The following NAA11 variants were observed in gnomAD, a reference collection of about 807,000 sequenced individuals.
NAA11 encodes N-alpha-acetyltransferase 11, NatA catalytic subunit, also known as N-alpha-acetyltransferase 11.
Under a neutral mutation model 16.1 loss-of-function variants are expected in NAA11, and 15 were observed. The observed-to-expected ratio is 0.93, with a 90% CI of 0.62 to 1.44. The LOEUF (loss-of-function observed/expected upper bound fraction) is 1.44, where lower values mean the gene tolerates loss of function less well. NAA11 is among the 40% of genes most tolerant of loss of function. NAA11 has a pLI of 0.00. For synonymous variants in NAA11, 122 were observed against 112.4 expected (o/e 1.09, Z -0.54); for missense variants, 298 against 291.3 (o/e 1.02, Z -0.17).
At chr4:79,226,012 A>G (rs1412671048) in exon 3 of NAA11, 1 of 152,110 alleles carries the variant, frequency 6.6e-6, no homozygotes, top group African/African-American at 2.4e-5. Flanking sequence ...AGCTCATGTC[A>G]GTTTTATGGA....
chr4:79,281,068 T>C (rs1205464518), intron 2 of NAA11, among the ~76,000 whole-genome samples: 1 of 152,004 alleles, frequency 6.6e-6, no homozygotes, highest in East Asian at 1.9e-4. Context: ...AAATGTTTCC[T>C]AGCAATTAAC....
chr4:79,166,851 G>C, the NAA11 span, among the ~76,000 whole-genome samples: 1 of 148,272 alleles, frequency 6.7e-6, no homozygotes, highest in Non-Finnish European at 1.5e-5. Context: ...CTGGGCAACA[G>C]AGCAAGACTG....
chr4:79,193,551 T>C, the NAA11 span, among the ~76,000 whole-genome samples: 3 of 152,184 alleles, frequency 2.0e-5, no homozygotes, highest in African/African-American at 7.2e-5. Flanking sequence ...TGCAGCATTA[T>C]TTCTGAGGGC....
the NAA11 span, among the ~76,000 whole-genome samples, chr4:79,161,866 A>T: frequency 6.6e-6 from 1 of 152,050 alleles, no homozygotes; most frequent in Non-Finnish European, 1.5e-5. Context: ...TATTTTTAGT[A>T]CAGACAGGGT....
At chr4:79,223,728 T>C (rs1017173564), downstream of NAA11, among the ~76,000 whole-genome samples, 10 of 152,070 alleles carry the variant, frequency 6.6e-5, no homozygotes, top group African/African-American at 2.4e-4. Context: ...AGCCAGAGTA[T>C]TGTGCTCAAA....
At chr4:79,210,061 G>C in the NAA11 span, among the ~76,000 whole-genome samples, 1 of 152,102 alleles carries the variant, frequency 6.6e-6, no homozygotes, top group South Asian at 2.1e-4. Context: ...AAATACACTG[G>C]TTAAATTTGT....
intron 2 of NAA11, among the ~76,000 whole-genome samples, chr4:79,252,485 CAAT>C (rs1722017989): frequency 6.6e-6 from 1 of 150,856 alleles, no homozygotes. Context: ...AGATAATAAA[CAAT>C]AAAATAAATA....
intron 2 of NAA11, among the ~76,000 whole-genome samples, chr4:79,293,443 C>T (rs1201205822): frequency 6.6e-6 from 1 of 152,170 alleles, no homozygotes; most frequent in Non-Finnish European, 1.5e-5. Flanking sequence ...TGGACAGACA[C>T]TGCTCTAAAA....
intron 2 of NAA11, among the ~76,000 whole-genome samples, chr4:79,291,013 C>T (rs1007067119): frequency 6.6e-6 from 1 of 152,038 alleles, no homozygotes; most frequent in Non-Finnish European, 1.5e-5. Flanking sequence ...AAATTAAAAG[C>T]ACATTCACAT....
At chr4:79,189,259 G>C in the NAA11 span, among the ~76,000 whole-genome samples, 1 of 151,810 alleles carries the variant, frequency 6.6e-6, no homozygotes, top group Non-Finnish European at 1.5e-5. Flanking sequence ...GAGAAGAAAG[G>C]ATGCAGGATG....
chr4:79,244,314 A>T (rs937070808), intron 2 of NAA11, among the ~76,000 whole-genome samples: 1 of 128,544 alleles, frequency 7.8e-6, no homozygotes, highest in Admixed American at 8.3e-5. Context: ...AGTCCGCTTC[A>T]TTGGGCTACT....
chr4:79,322,545 C>T (rs962965596), intron 1 of NAA11, among the ~76,000 whole-genome samples: 37 of 151,750 alleles, frequency 2.4e-4, no homozygotes, highest in African/African-American at 8.7e-4. Context: ...CTCTGATTAG[C>T]TCTGTTCTCA....
chr4:79,181,258 G>A, the NAA11 span, among the ~76,000 whole-genome samples: 1 of 148,952 alleles, frequency 6.7e-6, no homozygotes, highest in Non-Finnish European at 1.5e-5. Flanking sequence ...TACAGCCTTT[G>A]TCCACTTCCC....
chr4:79,246,376 C>CAAAAAAAA (rs1560420199), intron 2 of NAA11, among the ~76,000 whole-genome samples: 4 of 114,186 alleles, frequency 3.5e-5, no homozygotes, highest in East Asian at 2.3e-4. Context: ...TCAATAAATA[C>CAAAAAAAA]TAAAAAAAAA....
the NAA11 span, among the ~76,000 whole-genome samples, chr4:79,213,215 G>A: frequency 7.9e-5 from 12 of 152,172 alleles, no homozygotes; most frequent in Non-Finnish European, 2.9e-5. Context: ...ACAGATAGTA[G>A]TATTAATGAA....
At position 79,230,374 on chromosome 4, in the gene NAA11, T is replaced by C. The variant is rs1560691143; in HGVS notation, c.*123-4104A>G. On this transcript the variant is annotated intron_variant and NMD_transcript_variant, in intron 2 of 2. Transcript: ENST00000511542. Reference sequence around the variant, plus strand: ...CACCAGCATGGCACATGTATACATATGTAACTAACCTGCACATTGTGCACA... The same window carrying C: ...CACCAGCATGGCACATGTATACATACGTAACTAACCTGCACATTGTGCACA... Among the ~76,000 whole-genome samples, 3 of 152,062 alleles carry C rather than the reference T, an allele frequency of 2.0e-5. No individual in the cohort carries two copies. The South Asian group carries it at 6.2e-4, about 32-fold the overall frequency.
chr4:79,218,533 T>A, the NAA11 span, among the ~76,000 whole-genome samples: 8 of 152,136 alleles, frequency 5.3e-5, no homozygotes, highest in Non-Finnish European at 1.2e-4. Context: ...TTAAAATTGA[T>A]AACTCACATC....
At chr4:79,322,672 A>G (rs1724132277) in intron 1 of NAA11, among the ~76,000 whole-genome samples, 1 of 152,194 alleles carries the variant, frequency 6.6e-6, no homozygotes, top group South Asian at 2.1e-4. Flanking sequence ...TTGTGCATTC[A>G]AAGAGTCTTG....
the NAA11 span, among the ~76,000 whole-genome samples, chr4:79,173,142 A>G: frequency 6.6e-6 from 1 of 152,188 alleles, no homozygotes. Context: ...AGAAGACAGA[A>G]TGCTTACTGT....
Sources: gnomAD v4.1 joint callset for allele counts (sites outside exome capture counted in the v4.1 genomes callset) on GRCh38, gnomAD v4.1.1 for gene constraint, MANE v1.5 for transcripts, NCBI Gene and HGNC (gene_info 2026-07-23, HGNC 2026-07-21) for gene names.